The following MAF variants were observed in gnomAD, a reference collection of about 807,000 sequenced individuals.
MAF encodes transcription factor Maf.
A neutral mutation model predicts 22.0 loss-of-function variants in MAF; 10 were observed. That is an observed-to-expected ratio of 0.45 (90% CI 0.28 to 0.77). The LOEUF (loss-of-function observed/expected upper bound fraction) is 0.77, where lower values mean the gene tolerates loss of function less well. Among genes scored for constraint, MAF ranks in the 30% least tolerant of loss-of-function variants. The pLI is 0.12. For synonymous variants in MAF, 337 were observed against 255.8 expected, an observed-to-expected ratio of 1.32 and a Z score of -3.03; for missense variants, 544 against 548.4, an observed-to-expected ratio of 0.99 and a Z score of 0.08.
rs577891567 is a variant in MAF at position 79,596,799 on chromosome 16, T to TA, written c.1118+1985dup. ...CCAGTTCTGCACCACAATACAACTG[T>TA]AAAAAAATCTGCATCATCTTAAAAC... On this transcript the variant is annotated intron_variant, in intron 1 of 1. Transcript: ENST00000326043. 385 of 1,048,316 alleles carry TA rather than the reference T, an allele frequency of 3.7e-4. 1 individual carries two copies. The African/African-American group carries it at 6.0e-3, about 16-fold the overall frequency. 64.9% of individuals were successfully genotyped at this position (1,048,316 alleles called of 1,614,324 possible).
At chr16:79,507,639 A>C in the MAF span, among the ~76,000 whole-genome samples, 6 of 151,672 alleles carry the variant, frequency 4.0e-5, no homozygotes, top group Admixed American at 1.3e-4. Flanking sequence ...GTTAGCCAGG[A>C]TGGTCTCGAT....
the MAF span, among the ~76,000 whole-genome samples, chr16:79,458,366 C>A: frequency 0.52 from 79,082 of 151,966 alleles, 24,300 homozygotes; most frequent in East Asian, 0.71. Context: ...CTATTACCAA[C>A]AGAAGACTAC....
chr16:79,458,351 A>C, the MAF span, among the ~76,000 whole-genome samples: 1 of 151,976 alleles, frequency 6.6e-6, no homozygotes, highest in East Asian at 1.9e-4. Context: ...TTTTTCAGTC[A>C]CTCTCTATTA....
chr16:79,445,343 A>C, the MAF span, among the ~76,000 whole-genome samples: 5 of 152,076 alleles, frequency 3.3e-5, no homozygotes, highest in Non-Finnish European at 7.4e-5. Context: ...GCGCCCGGCC[A>C]ACATACAGAT....
At chr16:79,466,797 G>A in the MAF span, among the ~76,000 whole-genome samples, 5 of 152,292 alleles carry the variant, frequency 3.3e-5, no homozygotes, top group Non-Finnish European at 7.3e-5. Flanking sequence ...CAGACACCGG[G>A]TATTTAAGAT....
intron 1 of MAF, chr16:79,597,105 G>A: frequency 1.9e-6 from 2 of 1,058,750 alleles, no homozygotes; most frequent in South Asian, 9.1e-5. Flanking sequence ...GCAAGCACAT[G>A]CTGTATAAGC....
At chr16:79,453,836 G>T in the MAF span, among the ~76,000 whole-genome samples, 1 of 152,196 alleles carries the variant, frequency 6.6e-6, no homozygotes, top group African/African-American at 2.4e-5. Flanking sequence ...CTTTCTTAAA[G>T]TCTGGACATC....
the MAF span, among the ~76,000 whole-genome samples, chr16:79,216,370 CAT>C: frequency 7.1e-4 from 108 of 152,294 alleles, no homozygotes; most frequent in African/African-American, 2.4e-3. Flanking sequence ...TGTATATTCA[CAT>C]ATATGTATAC....
At chr16:79,400,599 C>T in the MAF span, among the ~76,000 whole-genome samples, 6 of 152,254 alleles carry the variant, frequency 3.9e-5, no homozygotes, top group South Asian at 2.1e-4. Context: ...ACCCCCTTCA[C>T]GGGTTTCCCA....
At chr16:79,388,691 T>C in the MAF span, among the ~76,000 whole-genome samples, 1 of 152,230 alleles carries the variant, frequency 6.6e-6, no homozygotes, top group Non-Finnish European at 1.5e-5. Flanking sequence ...TGCTGATCTC[T>C]ACAGGACACA....
the MAF span, among the ~76,000 whole-genome samples, chr16:79,556,220 G>C: frequency 6.6e-6 from 1 of 152,150 alleles, no homozygotes; most frequent in African/African-American, 2.4e-5. Context: ...ATATCATCCA[G>C]TCAATAATAT....
At chr16:79,323,187 G>C in the MAF span, among the ~76,000 whole-genome samples, 2 of 49,628 alleles carry the variant, frequency 4.0e-5, no homozygotes, top group Non-Finnish European at 1.0e-4. Flanking sequence ...AAAAAAAAAA[G>C]GCAAATGGGG....
chr16:79,275,662 G>A, the MAF span, among the ~76,000 whole-genome samples: 6 of 152,164 alleles, frequency 3.9e-5, no homozygotes, highest in African/African-American at 1.4e-4. Context: ...TTTTAATTTG[G>A]AATACATGCT....
chr16:79,441,939 A>C, the MAF span, among the ~76,000 whole-genome samples: 1 of 152,332 alleles, frequency 6.6e-6, no homozygotes, highest in South Asian at 2.1e-4. Context: ...AGATTTGGAC[A>C]CAGAGAGGCA....
the MAF span, among the ~76,000 whole-genome samples, chr16:79,438,978 A>G: frequency 2.2e-4 from 33 of 152,206 alleles, no homozygotes; most frequent in African/African-American, 7.2e-4. Context: ...TTACATCGAA[A>G]GAGCCATAAT....
chr16:79,313,610 C>T, the MAF span, among the ~76,000 whole-genome samples: 1 of 152,164 alleles, frequency 6.6e-6, no homozygotes, highest in South Asian at 2.1e-4. Flanking sequence ...CAATTTTCAG[C>T]TGTCTCAATC....
At chr16:79,474,236 T>A in the MAF span, among the ~76,000 whole-genome samples, 9 of 152,206 alleles carry the variant, frequency 5.9e-5, no homozygotes, top group Non-Finnish European at 1.2e-4. Flanking sequence ...AAGAAAATGA[T>A]CCTGCTGGAA....
At chr16:79,501,109 G>A in the MAF span, among the ~76,000 whole-genome samples, 2 of 152,116 alleles carry the variant, frequency 1.3e-5, no homozygotes, top group African/African-American at 4.8e-5. Flanking sequence ...CCTAAATCAA[G>A]GTGTCACCAC....
At chr16:79,577,650 T>C in the MAF span, among the ~76,000 whole-genome samples, 3 of 152,186 alleles carry the variant, frequency 2.0e-5, no homozygotes, top group Admixed American at 2.0e-4. Flanking sequence ...CCTGACATGC[T>C]GGAATAGCCC....
Sources: allele counts gnomAD v4.1 joint callset (sites outside exome capture counted in the v4.1 genomes callset), GRCh38; gene constraint gnomAD v4.1.1; transcripts MANE v1.5; gene names NCBI Gene and HGNC (gene_info 2026-07-23, HGNC 2026-07-21).